CNTNAP2: variants seen among roughly 807,000 people sequenced by gnomAD.
CNTNAP2 encodes contactin-associated protein-like 2.
CNTNAP2 carries 98 observed loss-of-function variants against 155.2 expected under a neutral mutation model. That is an observed-to-expected ratio of 0.63 (90% confidence interval 0.54 to 0.75). The LOEUF is 0.75. Ranked by LOEUF, CNTNAP2 falls within the 30% of genes least tolerant of loss-of-function variation. The probability of loss-of-function intolerance (pLI) is 0.00; values close to 1 mark genes in which losing one functional copy is unlikely to be tolerated. For missense variants in CNTNAP2, 1,727 were observed against 1,688.1 expected, an observed-to-expected ratio of 1.02 and a Z score of -0.40; for synonymous variants, 651 against 631.2, an observed-to-expected ratio of 1.03 and a Z score of -0.47.
chr7:146,121,496 A>G (rs971257127), intron 1 of CNTNAP2, among the ~76,000 whole-genome samples: 5 of 152,142 alleles, frequency 3.3e-5, no homozygotes, highest in Admixed American at 2.0e-4. Flanking sequence ...AACTTGTGCA[A>G]GTTGTCTGTT....
chr7:146,562,525 T>C (rs768200318), intron 1 of CNTNAP2, among the ~76,000 whole-genome samples: 30 of 152,166 alleles, frequency 2.0e-4, no homozygotes, highest in Non-Finnish European at 3.1e-4. Flanking sequence ...TAATAAATGC[T>C]AAAATGTTGT....
chr7:146,973,551 C>T (rs570018345), intron 3 of CNTNAP2, among the ~76,000 whole-genome samples: 10 of 152,122 alleles, frequency 6.6e-5, no homozygotes, highest in Non-Finnish European at 1.2e-4. Flanking sequence ...AATTAAAAAC[C>T]ATTAGGATAA....
intron 9 of CNTNAP2, among the ~76,000 whole-genome samples, chr7:147,312,368 G>A (rs1405610278): frequency 2.0e-5 from 3 of 149,726 alleles, no homozygotes; most frequent in African/African-American, 5.0e-5. Context: ...CCATTAACTC[G>A]TCATTTAGCA....
At chr7:147,627,739 T>C (rs1015748489) in intron 12 of CNTNAP2, among the ~76,000 whole-genome samples, 2 of 142,606 alleles carry the variant, frequency 1.4e-5, no homozygotes, top group Admixed American at 1.4e-4. Flanking sequence ...ATACAGGATA[T>C]GGATGAAAAA....
intron 1 of CNTNAP2, among the ~76,000 whole-genome samples, chr7:146,683,043 CT>C (rs1262855381): frequency 1.4e-5 from 2 of 147,694 alleles, no homozygotes; most frequent in East Asian, 1.9e-4. Context: ...AAGTCTTTTT[CT>C]TTTTTTTGAG....
Position 146,797,482 on chromosome 7 carries a change from A to G in CNTNAP2, c.208+23101A>G, listed in dbSNP as rs532967523. Among the ~76,000 whole-genome samples the G allele has an allele frequency of 5.3e-5, 8 of 152,348 alleles. No individual in the cohort carries two copies. The East Asian group carries it at 1.4e-3, about 26-fold the overall frequency. On this transcript the variant is annotated intron_variant, in intron 2 of 23. Transcript: ENST00000361727. ...GAAATAGCATACAGACTATTTCACT[A>G]ATAACCAAGTATGCCTTGTGGAGGA...
At chr7:148,311,603 G>A (rs937542519) in intron 21 of CNTNAP2, among the ~76,000 whole-genome samples, 7 of 152,152 alleles carry the variant, frequency 4.6e-5, no homozygotes, top group South Asian at 2.1e-4. Context: ...CGAGCTTGAT[G>A]TGTAGGGAAG....
At chr7:147,098,947 ATTAC>A (rs1476080959) in intron 4 of CNTNAP2, among the ~76,000 whole-genome samples, 1 of 152,048 alleles carries the variant, frequency 6.6e-6, no homozygotes, top group Non-Finnish European at 1.5e-5. Flanking sequence ...TATTTACTTT[ATTAC>A]TTTTATTACT....
chr7:146,960,873 T>C (rs1797544920), intron 3 of CNTNAP2, among the ~76,000 whole-genome samples: 1 of 152,118 alleles, frequency 6.6e-6, no homozygotes, highest in Non-Finnish European at 1.5e-5. Context: ...GACCTCTAGC[T>C]GTGAGAGAAT....
intron 13 of CNTNAP2, among the ~76,000 whole-genome samples, chr7:147,694,748 C>T (rs1796138499): frequency 2.0e-5 from 3 of 152,088 alleles, no homozygotes; most frequent in African/African-American, 4.8e-5. Context: ...TGGCAAGAGG[C>T]TTATCAATGT....
intron 10 of CNTNAP2, among the ~76,000 whole-genome samples, chr7:147,432,355 G>C (rs1478290553): frequency 6.6e-6 from 1 of 152,180 alleles, no homozygotes; most frequent in Non-Finnish European, 1.5e-5. Flanking sequence ...CCCTTACTGA[G>C]AATCGCAGCT....
chr7:146,459,934 C>G (rs1796611274), intron 1 of CNTNAP2, among the ~76,000 whole-genome samples: 1 of 152,116 alleles, frequency 6.6e-6, no homozygotes, highest in Non-Finnish European at 1.5e-5. Context: ...CAGGCCATTG[C>G]ACTCCAGGCT....
rs1353474922 is a variant in CNTNAP2, at chr7:146,803,821, G to A, written c.208+29440G>A. ...GGAAAGTCTTGGTATAGTTTTATGT[G>A]CGCTGCATATTTTCAAATAATGCTG... is the stretch of plus-strand genomic sequence containing the variant. On this transcript the variant is annotated intron_variant, in intron 2 of 23. Transcript: ENST00000361727. 5.9e-5 allele frequency among the ~76,000 whole-genome samples: 9 copies of A among 152,258 alleles called. No homozygotes were observed. In the East Asian group the frequency reaches 1.7e-3, roughly 29 times the overall value.
intron 13 of CNTNAP2, among the ~76,000 whole-genome samples, chr7:147,708,823 C>T (rs1238353954): frequency 6.6e-6 from 1 of 152,148 alleles, no homozygotes; most frequent in South Asian, 2.1e-4. Context: ...ATGATCTATT[C>T]AAAGTGTGAT....
intron 6 of CNTNAP2, chr7:147,121,484 T>C: frequency 3.4e-6 from 1 of 295,070 alleles, no homozygotes; most frequent in Non-Finnish European, 6.5e-6. Context: ...ATGTTATCAA[T>C]TCTTCTTGAG....
At chr7:146,735,168 A>T (rs1341329127) in intron 1 of CNTNAP2, among the ~76,000 whole-genome samples, 8 of 152,296 alleles carry the variant, frequency 5.3e-5, no homozygotes, top group African/African-American at 1.9e-4. Context: ...AAATCTTTGT[A>T]ATTTTACCAT....
chr7:146,145,269 G>A (rs1197396819), intron 1 of CNTNAP2, among the ~76,000 whole-genome samples: 2 of 152,166 alleles, frequency 1.3e-5, no homozygotes, highest in Non-Finnish European at 2.9e-5. Context: ...CACATTTGAA[G>A]CCTTCCTGAA....
chr7:147,981,507 T>C (rs1264430037), intron 15 of CNTNAP2, among the ~76,000 whole-genome samples: 1 of 152,232 alleles, frequency 6.6e-6, no homozygotes, highest in Non-Finnish European at 1.5e-5. Flanking sequence ...AAAAATATCT[T>C]TCAGTTTGAG....
chr7:148,159,385 T>C (rs533374102), intron 17 of CNTNAP2, among the ~76,000 whole-genome samples: 161 of 152,352 alleles, frequency 1.1e-3, no homozygotes, highest in Non-Finnish European at 1.8e-3. Flanking sequence ...TTGTCTCTTG[T>C]GTGCCATGCT....
Sources: gnomAD v4.1 joint callset for allele counts (sites outside exome capture counted in the v4.1 genomes callset) on GRCh38, gnomAD v4.1.1 for gene constraint, MANE v1.5 for transcripts, NCBI Gene and HGNC (gene_info 2026-07-23, HGNC 2026-07-21) for gene names.